Variants in ALOX5AP observed in about 807,000 individuals in gnomAD.
ALOX5AP encodes arachidonate 5-lipoxygenase-activating protein.
A neutral mutation model predicts 18.5 loss-of-function variants in ALOX5AP; 9 were observed. The ratio of observed to expected loss-of-function variants is 0.49; its 90% CI spans 0.29 to 0.85. The LOEUF is 0.85. Ranked by LOEUF, ALOX5AP falls within the 40% of genes least tolerant of loss-of-function variation. The pLI, the probability that ALOX5AP is intolerant of heterozygous loss-of-function variation, is 0.08. For synonymous variants in ALOX5AP, 81 were observed against 78.6 expected, an observed-to-expected ratio of 1.03 and a Z score of -0.16; for missense variants, 172 against 202.5, an observed-to-expected ratio of 0.85 and a Z score of 0.91.
At chr13:30,757,467 A>G (rs1352360806) in intron 4 of ALOX5AP, among the ~76,000 whole-genome samples, 5 of 152,058 alleles carry the variant, frequency 3.3e-5, no homozygotes, top group African/African-American at 1.2e-4. Context: ...TCTTATCAAC[A>G]CTGCCCTAAA....
At chr13:30,745,860 A>G (rs1182064982) in intron 2 of ALOX5AP, among the ~76,000 whole-genome samples, 3 of 152,224 alleles carry the variant, frequency 2.0e-5, no homozygotes, top group Non-Finnish European at 2.9e-5. Context: ...ACTATGCTAT[A>G]TCAGTTTGGA....
intron 1 of ALOX5AP, among the ~76,000 whole-genome samples, chr13:30,723,354 A>G (rs1260356962): frequency 6.6e-6 from 1 of 152,246 alleles, no homozygotes; most frequent in Non-Finnish European, 1.5e-5. Context: ...TTTGTTGAAA[A>G]GACTATCTTT....
intron 4 of ALOX5AP, among the ~76,000 whole-genome samples, chr13:30,762,053 TG>T (rs1012328592): frequency 4.6e-5 from 7 of 152,192 alleles, no homozygotes; most frequent in Non-Finnish European, 1.0e-4. Context: ...AGGGAGAGAA[TG>T]AAGCTGGCCA....
chr13:30,741,019 C>A (rs1292233911), intron 1 of ALOX5AP, among the ~76,000 whole-genome samples: 1 of 150,054 alleles, frequency 6.7e-6, no homozygotes, highest in African/African-American at 2.4e-5. Context: ...TGACCTCCCT[C>A]GGATGCCAAA....
chr13:30,753,211 G>A (rs1951866215), intron 3 of ALOX5AP, among the ~76,000 whole-genome samples: 1 of 152,198 alleles, frequency 6.6e-6, no homozygotes, highest in East Asian at 1.9e-4. Flanking sequence ...GAGCAGAGGT[G>A]AGGCGGCAGC....
intron 1 of ALOX5AP, among the ~76,000 whole-genome samples, chr13:30,717,665 T>G (rs536036393): frequency 6.6e-6 from 1 of 152,370 alleles, no homozygotes; most frequent in South Asian, 2.1e-4. Context: ...AGGTCCCTAG[T>G]GCAGGAGCTT....
chr13:30,738,246 C>T (rs1041827655), intron 1 of ALOX5AP, among the ~76,000 whole-genome samples: 2 of 152,202 alleles, frequency 1.3e-5, no homozygotes, highest in Non-Finnish European at 2.9e-5. Flanking sequence ...GTGCAATGTC[C>T]TCCTCTGCCT....
upstream of ALOX5AP, among the ~76,000 whole-genome samples, chr13:30,730,783 C>T (rs1208939134): frequency 6.6e-6 from 1 of 152,260 alleles, no homozygotes; most frequent in Non-Finnish European, 1.5e-5. Context: ...GGATTTTTAA[C>T]AGCAGCTGGG....
intron 1 of ALOX5AP, among the ~76,000 whole-genome samples, chr13:30,718,915 A>G (rs565839715): frequency 1.3e-5 from 2 of 152,310 alleles, no homozygotes; most frequent in South Asian, 2.1e-4. Flanking sequence ...GATCCAAACT[A>G]CTGCCTTCAT....
chr13:30,735,777 A>G, intron 1 of ALOX5AP, 102 bp downstream of exon 1: 1 of 1,292,562 alleles, frequency 7.7e-7, no homozygotes, highest in Non-Finnish European at 1.1e-6. Context: ...GTGCGCATGC[A>G]CAAACACTTT....
intron 2 of ALOX5AP, among the ~76,000 whole-genome samples, chr13:30,745,164 T>C (rs1164142654): frequency 6.6e-6 from 1 of 152,222 alleles, no homozygotes; most frequent in African/African-American, 2.4e-5. Flanking sequence ...GGATCTCGAC[T>C]GAACAGGCCT....
intron 1 of ALOX5AP, 29 bp downstream of exon 1, chr13:30,735,704 A>C (rs200634958): frequency 2.9e-5 from 46 of 1,611,106 alleles, no homozygotes; most frequent in Non-Finnish European, 3.9e-5. Context: ...TCAGGGAAGA[A>C]CAGAAGGGGA....
intron 2 of ALOX5AP, among the ~76,000 whole-genome samples, chr13:30,751,439 A>T (rs1286190042): frequency 6.6e-6 from 1 of 152,232 alleles, no homozygotes; most frequent in East Asian, 1.9e-4. Context: ...ATGGTGAGTT[A>T]AAAAGAGAGG....
chr13:30,725,673 A>G (rs1221884601), intron 1 of ALOX5AP, among the ~76,000 whole-genome samples: 2 of 152,226 alleles, frequency 1.3e-5, no homozygotes, highest in African/African-American at 4.8e-5. Flanking sequence ...TACTCTGGAT[A>G]TGGATGTGCC....
At chr13:30,757,004 C>T (rs867433931) in intron 4 of ALOX5AP, among the ~76,000 whole-genome samples, 3 of 151,958 alleles carry the variant, frequency 2.0e-5, no homozygotes, top group Admixed American at 6.6e-5. Context: ...GAAATGTCGG[C>T]GTTAGAGTAT....
intron 1 of ALOX5AP, among the ~76,000 whole-genome samples, chr13:30,739,546 T>G (rs1273819283): frequency 2.6e-5 from 4 of 152,230 alleles, no homozygotes; most frequent in African/African-American, 7.2e-5. Flanking sequence ...GTGATTCTCA[T>G]GTCTCAGCCT....
intron 1 of ALOX5AP, among the ~76,000 whole-genome samples, chr13:30,729,696 C>T (rs1209685259): frequency 6.6e-6 from 1 of 151,946 alleles, no homozygotes; most frequent in Non-Finnish European, 1.5e-5. Context: ...CCTGCCTCAG[C>T]CTCCCGAGGG....
intron 4 of ALOX5AP, among the ~76,000 whole-genome samples, chr13:30,763,180 C>T (rs1291642717): frequency 2.0e-5 from 3 of 152,054 alleles, no homozygotes; most frequent in Non-Finnish European, 2.9e-5. Flanking sequence ...TGGTGGCGTG[C>T]GCCTGTAGTT....
rs1221973382 is a variant in ALOX5AP, at chr13:30,741,545, T to TC, written c.71-2511dup. The stretch of plus-strand genomic sequence containing the variant: ...CTGTGTAGCTAGGATTACAGGCCCC[T>TC]CCCCACCCCCACCCCCCAACAACTG... On this transcript the variant is annotated intron_variant, in intron 1 of 4. Transcript: ENST00000380490. 2.5e-3 allele frequency among the ~76,000 whole-genome samples: 28 copies of TC among 11,122 alleles called. 1 individual carries two copies. The highest frequency in any genetic ancestry group is 3.6e-3 in the African/African-American group (16 of 4,464). 7.3% of individuals were successfully genotyped at this position (11,122 alleles called of 152,430 possible). A position where few individuals can be genotyped will look rare whatever the true frequency, so the allele number is the denominator to read the frequency against.
Sources: allele counts gnomAD v4.1 joint callset (sites outside exome capture counted in the v4.1 genomes callset), GRCh38; gene constraint gnomAD v4.1.1; transcripts MANE v1.5; gene names NCBI Gene and HGNC (gene_info 2026-07-23, HGNC 2026-07-21).